ERG: variants seen among roughly 807,000 people sequenced by gnomAD.
ERG encodes transcriptional regulator ERG.
Under a neutral mutation model 55.3 loss-of-function variants are expected in ERG, and 9 were observed. The ratio of observed to expected loss-of-function variants is 0.16; its 90% CI spans 0.10 to 0.28. ERG has a LOEUF of 0.28. Ranked by LOEUF, ERG falls within the 10% of genes least tolerant of loss-of-function variation. ERG has a pLI of 1.00. For missense variants in ERG, 434 were observed against 631.6 expected (o/e 0.69, Z 3.35); for synonymous variants, 223 against 237.3 (o/e 0.94, Z 0.55).
chr21:38,461,723 C>A (rs1299344629), intron 1 of ERG, among the ~76,000 whole-genome samples: 1 of 152,242 alleles, frequency 6.6e-6, no homozygotes, highest in Non-Finnish European at 1.5e-5. Context: ...AACAATGCCA[C>A]TTCTCATTAA....
At chr21:38,560,069 C>T (rs1441388446) in intron 2 of ERG, among the ~76,000 whole-genome samples, 1 of 152,178 alleles carries the variant, frequency 6.6e-6, no homozygotes, top group East Asian at 1.9e-4. Context: ...CCCATCTAAG[C>T]ACTCAGGACA....
At chr21:38,573,524 G>A (rs372925871) in intron 2 of ERG, among the ~76,000 whole-genome samples, 2 of 152,238 alleles carry the variant, frequency 1.3e-5, no homozygotes, top group Admixed American at 1.3e-4. Context: ...CCGCTGAGAT[G>A]TTTGGGTGGA....
intron 1 of ERG, among the ~76,000 whole-genome samples, chr21:38,456,445 T>A (rs558228388): frequency 1.3e-5 from 2 of 152,226 alleles, no homozygotes; most frequent in Admixed American, 6.5e-5. Context: ...AATAAAAAAA[T>A]TTAAAAAATA....
intron 2 of ERG, among the ~76,000 whole-genome samples, chr21:38,564,985 C>G (rs2059914262): frequency 6.6e-6 from 1 of 152,210 alleles, no homozygotes; most frequent in Admixed American, 6.5e-5. Flanking sequence ...GCATCTCCAA[C>G]TCAACACAGC....
At position 38,380,060 on chromosome 21, in the gene ERG, T is replaced by C. The variant is rs1987354365; in HGVS notation, c.*3343A>G. The stretch of plus-strand genomic sequence containing the variant: ...ATTTTTGAGTAGTCCAAAGTAATTT[T>C]TATTCTCTAATTAGTCACCTCACGA... On this transcript the variant is annotated 3_prime_UTR_variant, in exon 10 of 10. Coordinates refer to ENST00000288319, the MANE Select transcript of ERG (RefSeq NM_182918.4). The C allele has an allele frequency of 5.9e-6, 6 of 1,015,420 alleles. No individual in the cohort carries two copies. In the South Asian group the frequency reaches 2.8e-4, roughly 47 times the overall value. 62.9% of individuals were successfully genotyped at this position (1,015,420 alleles called of 1,614,324 possible). A position where few individuals can be genotyped will look rare whatever the true frequency, so the allele number is the denominator to read the frequency against.
At chr21:38,407,430 G>C (rs17285057) in intron 3 of ERG, among the ~76,000 whole-genome samples, 5,809 of 151,912 alleles carry the variant, frequency 0.038, 106 homozygotes, top group Middle Eastern at 0.058. Flanking sequence ...ATAAATATCT[G>C]CACAGAAAGA....
Position 38,381,283 on chromosome 21 carries a change from A to G in ERG, c.*2120T>C. 2.8e-6 allele frequency: 3 copies of G among 1,065,332 alleles called. No individual in the cohort carries two copies. The highest frequency in any genetic ancestry group is 3.4e-6 in the Non-Finnish European group (3 of 879,284). The allele number at this position is 1,065,332 out of a possible 1,614,324, so 66.0% of individuals were successfully genotyped here. ...CCTATTCAGCTAAGATGTTTCGGCT[A>G]GCGCCTTCGCACGGTCACCTTGTAT... On this transcript the variant is annotated 3_prime_UTR_variant, in exon 10 of 10. Transcript: ENST00000288319.
At chr21:38,577,016 C>A (rs753000976) in intron 1 of ERG, among the ~76,000 whole-genome samples, 3 of 152,158 alleles carry the variant, frequency 2.0e-5, no homozygotes, top group Non-Finnish European at 4.4e-5. Context: ...TTTTAGAAGC[C>A]ATCACTTGCT....
chr21:38,561,739 A>G (rs2059893933), intron 2 of ERG, among the ~76,000 whole-genome samples: 1 of 152,214 alleles, frequency 6.6e-6, no homozygotes, highest in Non-Finnish European at 1.5e-5. Flanking sequence ...TTGAAGGTCC[A>G]TATGAATTGG....
chr21:38,467,970 G>A (rs1369416909), intron 1 of ERG, among the ~76,000 whole-genome samples: 2 of 152,220 alleles, frequency 1.3e-5, no homozygotes, highest in African/African-American at 4.8e-5. Flanking sequence ...TGGGAGATAT[G>A]TAAGCCTTTG....
At chr21:38,409,396 T>C (rs778176329) in intron 3 of ERG, among the ~76,000 whole-genome samples, 6 of 151,058 alleles carry the variant, frequency 4.0e-5, no homozygotes, top group Non-Finnish European at 5.9e-5. Flanking sequence ...GGCAGGAGAA[T>C]TGCTTGAATC....
intron 2 of ERG, 58 bp from the exon 3 acceptor site, chr21:38,423,619 G>A (rs917940372): frequency 6.6e-5 from 100 of 1,521,946 alleles, no homozygotes; most frequent in Non-Finnish European, 7.9e-5. Flanking sequence ...TGTCTCCATC[G>A]ACTTCTCACA....
chr21:38,453,214 C>T (rs1365658318), intron 1 of ERG, among the ~76,000 whole-genome samples: 3 of 152,190 alleles, frequency 2.0e-5, no homozygotes, highest in East Asian at 3.9e-4. Context: ...TAGGGACTTC[C>T]TATAGCTAAG....
intron 2 of ERG, among the ~76,000 whole-genome samples, chr21:38,574,866 C>T (rs1219786428): frequency 6.6e-6 from 1 of 152,198 alleles, no homozygotes; most frequent in South Asian, 2.1e-4. Context: ...GTTGAACTAA[C>T]CAGCACAGGT....
chr21:38,609,101 G>C (rs1040664528), intron 1 of ERG, among the ~76,000 whole-genome samples: 3 of 152,152 alleles, frequency 2.0e-5, no homozygotes, highest in African/African-American at 7.2e-5. Context: ...GACCAGATCA[G>C]ACTTTTAAGT....
At chr21:38,508,627 C>T (rs1779216668) in intron 2 of ERG, among the ~76,000 whole-genome samples, 3 of 152,336 alleles carry the variant, frequency 2.0e-5, no homozygotes, top group Middle Eastern at 3.4e-3. Flanking sequence ...GTTGGTTTCA[C>T]ACGTACTTAT....
chr21:38,647,370 C>T (rs2060463493), intron 1 of ERG, among the ~76,000 whole-genome samples: 1 of 152,164 alleles, frequency 6.6e-6, no homozygotes, highest in Non-Finnish European at 1.5e-5. Flanking sequence ...TTAAGCCATG[C>T]ATCCTCAAGG....
intron 2 of ERG, among the ~76,000 whole-genome samples, chr21:38,521,858 G>A (rs142938411): frequency 1.3e-5 from 2 of 152,274 alleles, no homozygotes; most frequent in African/African-American, 4.8e-5. Context: ...GGGTACATTT[G>A]CAGATTCAGA....
intron 3 of ERG, among the ~76,000 whole-genome samples, chr21:38,419,531 G>A (rs904673958): frequency 1.8e-4 from 24 of 135,442 alleles, no homozygotes; most frequent in African/African-American, 6.5e-4. Context: ...ACACACACAC[G>A]TGCGTGTAAA....
Sources: allele counts gnomAD v4.1 joint callset (sites outside exome capture counted in the v4.1 genomes callset), GRCh38; gene constraint gnomAD v4.1.1; transcripts MANE v1.5; gene names NCBI Gene and HGNC (gene_info 2026-07-23, HGNC 2026-07-21).